The following DLC1 variants were observed in gnomAD, a reference collection of about 807,000 sequenced individuals.
The protein encoded by DLC1 is rho GTPase-activating protein 7.
DLC1 carries 54 observed loss-of-function variants against 140.3 expected under a neutral mutation model. The ratio of observed to expected loss-of-function variants is 0.38; its 90% CI spans 0.31 to 0.48. DLC1 has a LOEUF of 0.48. DLC1 is among the 20% of genes least tolerant of loss of function. The pLI, the probability that DLC1 is intolerant of heterozygous loss-of-function variation, is 0.96. For missense variants in DLC1, 2,536 were observed against 1,907.0 expected, an observed-to-expected ratio of 1.33 and a Z score of -6.14; for synonymous variants, 986 against 728.1, an observed-to-expected ratio of 1.35 and a Z score of -5.70.
At position 13,349,384 on chromosome 8, in the gene DLC1, G is replaced by A. The variant is rs545652451; in HGVS notation, c.1315-44082C>T. 2.6e-3 allele frequency among the ~76,000 whole-genome samples: 392 copies of A among 152,088 alleles called. 1 individual carries two copies. The highest frequency in any genetic ancestry group is 8.6e-3 in the African/African-American group (358 of 41,486). ...GAGCCCTCTCAAAACACATTATAGC[G>A]AAAATGGAAGAAAGAAAGAAAAAAA... is the stretch of plus-strand genomic sequence containing the variant. On this transcript the variant is annotated intron_variant, in intron 4 of 17. Coordinates refer to ENST00000276297, the MANE Select transcript of DLC1 (RefSeq NM_182643.3).
At chr8:13,260,064 G>C (rs1193211969) in intron 5 of DLC1, among the ~76,000 whole-genome samples, 2 of 152,090 alleles carry the variant, frequency 1.3e-5, no homozygotes, top group Non-Finnish European at 2.9e-5. Context: ...AAACAGCAGA[G>C]GAGGAATGAA....
intron 4 of DLC1, among the ~76,000 whole-genome samples, chr8:13,329,324 A>G (rs1156441340): frequency 6.6e-6 from 1 of 152,130 alleles, no homozygotes; most frequent in African/African-American, 2.4e-5. Flanking sequence ...GAAAATGATA[A>G]TATTGGTCCA....
intron 4 of DLC1, among the ~76,000 whole-genome samples, chr8:13,368,813 A>G (rs1015923344): frequency 3.1e-4 from 47 of 152,072 alleles, no homozygotes; most frequent in African/African-American, 1.1e-3. Context: ...TGCTCAGTCC[A>G]TCTCTGATGA....
intron 4 of DLC1, among the ~76,000 whole-genome samples, chr8:13,391,144 A>G (rs1364156449): frequency 6.6e-6 from 1 of 152,092 alleles, no homozygotes; most frequent in African/African-American, 2.4e-5. Flanking sequence ...ACTTTACTAA[A>G]TTATAGTCCA....
At chr8:13,305,398 T>G in intron 4 of DLC1, 96 bp from the exon 5 acceptor site, 1 of 1,295,544 alleles carries the variant, frequency 7.7e-7, no homozygotes, top group African/African-American at 1.5e-5. Context: ...GACGCAAAAA[T>G]TAAATAGAGA....
chr8:13,578,553 T>G (rs746793002), intron 1 of DLC1, among the ~76,000 whole-genome samples: 2 of 152,098 alleles, frequency 1.3e-5, no homozygotes, highest in African/African-American at 2.4e-5. Context: ...TAGCAGGTAA[T>G]ATTAACAGGT....
At chr8:13,179,385 C>A (rs1364528212) in intron 5 of DLC1, among the ~76,000 whole-genome samples, 2 of 152,018 alleles carry the variant, frequency 1.3e-5, no homozygotes, top group African/African-American at 4.8e-5. Context: ...AAAAATTTAT[C>A]GGGCTGTACA....
At chr8:13,418,904 T>C (rs1838191013) in intron 2 of DLC1, among the ~76,000 whole-genome samples, 1 of 152,140 alleles carries the variant, frequency 6.6e-6, no homozygotes, top group East Asian at 1.9e-4. Flanking sequence ...CAGTGGTTTG[T>C]AGTTCTCCTT....
chr8:13,521,206 G>A (rs1054128132), intron 1 of DLC1, among the ~76,000 whole-genome samples: 1 of 151,916 alleles, frequency 6.6e-6, no homozygotes, highest in Non-Finnish European at 1.5e-5. Context: ...AACAATGAAA[G>A]AACATGGACA....
At chr8:13,210,424 T>C (rs1218860295) in intron 5 of DLC1, among the ~76,000 whole-genome samples, 1 of 152,196 alleles carries the variant, frequency 6.6e-6, no homozygotes, top group Non-Finnish European at 1.5e-5. Flanking sequence ...TCAATGTCAA[T>C]GTCAACAAAC....
chr8:13,307,410 A>G (rs901275462), intron 4 of DLC1, among the ~76,000 whole-genome samples: 2 of 152,138 alleles, frequency 1.3e-5, no homozygotes, highest in African/African-American at 4.8e-5. Context: ...GAGGAAAGCA[A>G]TTTCCTTCTT....
At chr8:13,470,624 A>T (rs975669892) in intron 2 of DLC1, among the ~76,000 whole-genome samples, 2 of 152,212 alleles carry the variant, frequency 1.3e-5, no homozygotes, top group African/African-American at 4.8e-5. Flanking sequence ...AAGCGTGGAG[A>T]AAAGGAAACT....
chr8:13,100,882 A>T, intron 8 of DLC1, 112 bp from the exon 9 acceptor site: 3 of 1,107,748 alleles, frequency 2.7e-6, no homozygotes, highest in South Asian at 2.5e-5. Context: ...TCCCCCTTGT[A>T]CTTCATGATT....
At chr8:13,555,182 A>G (rs1222859043) in intron 1 of DLC1, among the ~76,000 whole-genome samples, 11 of 152,320 alleles carry the variant, frequency 7.2e-5, no homozygotes, top group African/African-American at 2.4e-4. Flanking sequence ...TAAAATGACA[A>G]TGCTCCTCAG....
At chr8:13,091,827 C>T (rs1456678482) in intron 13 of DLC1, among the ~76,000 whole-genome samples, 1 of 152,108 alleles carries the variant, frequency 6.6e-6, no homozygotes, top group Non-Finnish European at 1.5e-5. Flanking sequence ...AGGCCCCCTC[C>T]CACAGGTGAG....
chr8:13,508,420 T>TTCC (rs1448476380), intron 1 of DLC1, among the ~76,000 whole-genome samples: 26 of 42,598 alleles, frequency 6.1e-4, no homozygotes, highest in Non-Finnish European at 1.3e-3. Flanking sequence ...GTAACTTCTT[T>TTCC]TTCTTTTTTT....
chr8:13,412,938 A>T (rs1455951359), intron 2 of DLC1, among the ~76,000 whole-genome samples: 1 of 151,240 alleles, frequency 6.6e-6, no homozygotes, highest in Non-Finnish European at 1.5e-5. Flanking sequence ...TCTCAAAAAA[A>T]AAAAAAAAAA....
intron 4 of DLC1, among the ~76,000 whole-genome samples, chr8:13,366,113 C>G (rs973847653): frequency 6.6e-6 from 1 of 152,202 alleles, no homozygotes; most frequent in Non-Finnish European, 1.5e-5. Flanking sequence ...ATTATAGACT[C>G]GAAGAGAAGC....
At chr8:13,419,448 C>T (rs1419422821) in intron 2 of DLC1, among the ~76,000 whole-genome samples, 2 of 152,100 alleles carry the variant, frequency 1.3e-5, no homozygotes, top group East Asian at 3.9e-4. Context: ...TGTCAAAGGC[C>T]TTTTCTGCAT....
Sources: gnomAD v4.1 joint callset for allele counts (sites outside exome capture counted in the v4.1 genomes callset) on GRCh38, gnomAD v4.1.1 for gene constraint, MANE v1.5 for transcripts, NCBI Gene and HGNC (gene_info 2026-07-23, HGNC 2026-07-21) for gene names.